The following FNTB variants were observed in gnomAD, a reference collection of about 807,000 sequenced individuals.
FNTB encodes the protein protein farnesyltransferase subunit beta.
FNTB carries 27 observed loss-of-function variants against 59.4 expected under a neutral mutation model. The observed-to-expected ratio is 0.45, with a 90% CI of 0.34 to 0.63. The LOEUF (loss-of-function observed/expected upper bound fraction) is 0.63, where lower values mean the gene tolerates loss of function less well. Ranked by LOEUF, FNTB falls within the 20% of genes least tolerant of loss-of-function variation. The pLI, the probability that FNTB is intolerant of heterozygous loss-of-function variation, is 0.02. For synonymous variants in FNTB, 230 were observed against 220.7 expected, an observed-to-expected ratio of 1.04 and a Z score of -0.37; for missense variants, 449 against 559.6, an observed-to-expected ratio of 0.80 and a Z score of 1.99.
At chr14:65,057,946 A>C (rs1472172702) in intron 11 of FNTB, among the ~76,000 whole-genome samples, 2 of 152,176 alleles carry the variant, frequency 1.3e-5, no homozygotes, top group Non-Finnish European at 2.9e-5. Context: ...GCAAGTCTGA[A>C]AACAGGTAGG....
intron 1 of FNTB, among the ~76,000 whole-genome samples, chr14:64,993,627 C>G (rs1350001774): frequency 6.6e-6 from 1 of 152,126 alleles, no homozygotes; most frequent in Admixed American, 6.5e-5. Context: ...TGACATGAAT[C>G]TTAGGCAGCA....
Position 65,047,612 on chromosome 14 carries a change from C to T in FNTB, c.955+3169C>T, listed in dbSNP as rs150137186. On this transcript the variant is annotated intron_variant, in intron 9 of 11. Coordinates refer to ENST00000246166, the MANE Select transcript of FNTB (RefSeq NM_002028.4). The surrounding 1 kb of genome is among the most constrained non-coding windows in gnomAD (Gnocchi z 5.2). ...TTTTGGAGGGCAGTTTGGAGACATC[C>T]ATTTAAATTATAAGGGCACTTACCC... 2.0e-5 allele frequency among the ~76,000 whole-genome samples: 3 copies of T among 152,212 alleles called. No homozygotes were observed. In the East Asian group the frequency reaches 5.8e-4, roughly 29 times the overall value.
At chr14:65,020,434 C>T (rs905610434) in intron 4 of FNTB, among the ~76,000 whole-genome samples, 3 of 151,954 alleles carry the variant, frequency 2.0e-5, no homozygotes, top group African/African-American at 4.8e-5. Flanking sequence ...CTTCAGCTTG[C>T]CTCTTTTTTT....
In FNTB at chr14:65,061,440, A is replaced by T. The variant is rs2062863848; in HGVS notation, c.*128A>T. Reference sequence around the variant, plus strand: ...TCAGTGGAGCTGTGGTTCTCTTGGTACTTTCTTGTCAAACAAAACCAATGG... The same window carrying T: ...TCAGTGGAGCTGTGGTTCTCTTGGTTCTTTCTTGTCAAACAAAACCAATGG... On this transcript the variant is annotated 3_prime_UTR_variant, in exon 12 of 12. Transcript: ENST00000246166. The T allele has an allele frequency of 7.1e-7, 1 of 1,417,424 alleles. No homozygotes were observed. Among genetic ancestry groups the T allele is most frequent in the African/African-American group, 1.4e-5 (1 of 69,584 alleles). The allele number at this position is 1,417,424 out of a possible 1,614,324, so 87.8% of individuals were successfully genotyped here.
At position 64,989,225 on chromosome 14, in the gene FNTB, G is replaced by A. The variant is rs1594977898; in HGVS notation, c.144+2128G>A. Among the ~76,000 whole-genome samples, 5 of 146,776 alleles carry A rather than the reference G, an allele frequency of 3.4e-5. No individual in the cohort carries two copies. In the Admixed American group the frequency reaches 3.4e-4, roughly 10 times the overall value. On this transcript the variant is annotated intron_variant, in intron 1 of 11. Transcript: ENST00000246166. ...GGAGTTCGAGGCGGGAAGATCACCTGAGCCCAAGAGACCAACTTGGGCAAC... is the reference window on the plus strand; with the variant it reads ...GGAGTTCGAGGCGGGAAGATCACCTAAGCCCAAGAGACCAACTTGGGCAAC...
intron 11 of FNTB, among the ~76,000 whole-genome samples, chr14:65,056,976 C>T (rs933710163): frequency 2.0e-5 from 3 of 152,216 alleles, no homozygotes; most frequent in African/African-American, 7.2e-5. Flanking sequence ...CCCATGCAAA[C>T]AGAGGAGAGC....
At chr14:65,053,635 C>CAAAAAAAAAAAAACA (rs1189039450) in intron 10 of FNTB, among the ~76,000 whole-genome samples, 1 of 146,974 alleles carries the variant, frequency 6.8e-6, no homozygotes, top group Non-Finnish European at 1.5e-5. Flanking sequence ...TTAAAAAAAA[C>CAAAAAAAAAAAAACA]AAAAAAAAAC....
At chr14:65,005,452 T>C (rs1178437519) in intron 2 of FNTB, among the ~76,000 whole-genome samples, 3 of 65,002 alleles carry the variant, frequency 4.6e-5, no homozygotes, top group African/African-American at 1.8e-4. Context: ...TCCTTTCTTT[T>C]CTTTCTTTCT....
intron 2 of FNTB, among the ~76,000 whole-genome samples, chr14:65,004,905 C>T (rs1307158145): frequency 6.6e-6 from 1 of 152,184 alleles, no homozygotes; most frequent in Non-Finnish European, 1.5e-5. Flanking sequence ...TCAGGTGATC[C>T]ACCCGCCTCA....
Position 65,054,756 on chromosome 14 carries a change from T to C in FNTB, c.1182+67T>C, listed in dbSNP as rs995536341. 58 of 1,495,978 alleles carry C rather than the reference T, an allele frequency of 3.9e-5. 1 individual carries two copies. Among genetic ancestry groups the C allele is most frequent in the Non-Finnish European group, 5.2e-5 (57 of 1,098,294 alleles). 92.7% of individuals were successfully genotyped at this position (1,495,978 alleles called of 1,614,324 possible). On this transcript the variant is annotated intron_variant, in intron 11 of 11. Transcript: ENST00000246166. The surrounding 1 kb of genome is among the most constrained non-coding windows in gnomAD (Gnocchi z 4.4). ...CCTCGCGGACAGAAGGCTTTCCAAG[T>C]AAGCAGAACTGGCTCTGCATTTCCT...
chr14:65,015,202 A>G (rs2061747354), intron 3 of FNTB, among the ~76,000 whole-genome samples: 1 of 150,736 alleles, frequency 6.6e-6, no homozygotes, highest in Non-Finnish European at 1.5e-5. Context: ...TCCCGGGTTC[A>G]AGTGATTCTC....
chr14:64,987,105 G>T lies in FNTB; in HGVS notation c.144+8G>T, dbSNP rs1184663507. On this transcript the variant is annotated splice_region_variant and intron_variant, in intron 1 of 11. Coordinates refer to ENST00000246166, the MANE Select transcript of FNTB (RefSeq NM_002028.4). ...GTCACGTCCATAGAACAGGTGAGGT[G>T]GCAGGACTGGGCGAGGCGCCCGCGC... 1.2e-6 allele frequency: 2 copies of T among 1,614,086 alleles called. No homozygotes were observed. The highest frequency in any genetic ancestry group is 1.7e-6 in the Non-Finnish European group (2 of 1,180,026).
chr14:65,044,403 G>A lies in FNTB; in HGVS notation c.915G>A (p.Ala305=), dbSNP rs138494513. 1,176 of 1,612,936 alleles carry A rather than the reference G, an allele frequency of 7.3e-4. 10 individuals carry two copies. The highest frequency in any genetic ancestry group is 9.0e-4 in the Admixed American group (54 of 59,776). Residue 305 remains alanine, a synonymous_variant, in exon 9 of 12, where the codon GCG becomes GCA. Transcript: ENST00000246166. This position sits in a 1 kb window ranked among gnomAD's most constrained non-coding sequence, Gnocchi z 5.5. ...LVDGCYSFWQ[A]GLLPLLHRAL... ...ATGGCTGCTACTCCTTCTGGCAGGCGGGGCTCCTGCCCCTGCTCCACCGCG... is the reference window on the plus strand; with the variant it reads ...ATGGCTGCTACTCCTTCTGGCAGGCAGGGCTCCTGCCCCTGCTCCACCGCG...
intron 4 of FNTB, chr14:65,022,115 C>T (rs1403037892): frequency 6.6e-5 from 30 of 454,960 alleles, no homozygotes; most frequent in Non-Finnish European, 1.1e-4. Flanking sequence ...TCATATTCTA[C>T]CTAGGGAAGG....
At chr14:65,059,525 C>A (rs1020090878) in intron 11 of FNTB, among the ~76,000 whole-genome samples, 1 of 152,048 alleles carries the variant, frequency 6.6e-6, no homozygotes, top group African/African-American at 2.4e-5. Context: ...TCAATTTTGG[C>A]AGTTTTCCTG....
In FNTB at chr14:65,061,371, A is replaced by G; in HGVS notation, c.*59A>G. 1 of 1,607,222 alleles carries G rather than the reference A, an allele frequency of 6.2e-7. No homozygotes were observed. The highest frequency in any genetic ancestry group is 8.5e-7 in the Non-Finnish European group (1 of 1,177,696). On this transcript the variant is annotated 3_prime_UTR_variant, in exon 12 of 12. Transcript: ENST00000246166. ...ATCTCCCCAGTCAGACAAGGTTTAT[A>G]CGTTTCAATACATACTGCATTCTGT...
At chr14:65,056,085 CTATAAGCAATATATAGTTTTT>C (rs1221180206) in intron 11 of FNTB, among the ~76,000 whole-genome samples, 1 of 152,116 alleles carries the variant, frequency 6.6e-6, no homozygotes, top group East Asian at 1.9e-4. Flanking sequence ...ACATATGTAT[CTATAAGCAATATATAGTTTTT>C]TATAAGCAAT....
Position 65,044,554 on chromosome 14 carries a change from C to G in FNTB, c.955+111C>G, listed in dbSNP as rs1183507158. 2 of 1,474,738 alleles carry G rather than the reference C, an allele frequency of 1.4e-6. No homozygotes were observed. Among genetic ancestry groups the G allele is most frequent in the African/African-American group, 2.9e-5 (2 of 69,966 alleles). The allele number at this position is 1,474,738 out of a possible 1,614,324, so 91.4% of individuals were successfully genotyped here. ...GGGGTTGAAATGAGCTCTGTCTATC[C>G]TGGATTTTGAGTGCCCAGTGTGGAA... On this transcript the variant is annotated intron_variant, in intron 9 of 11. Coordinates refer to ENST00000246166, the MANE Select transcript of FNTB (RefSeq NM_002028.4). This position sits in a 1 kb window ranked among gnomAD's most constrained non-coding sequence, Gnocchi z 5.5.
chr14:65,055,409 T>C (rs1266020557), intron 11 of FNTB, among the ~76,000 whole-genome samples: 1 of 152,194 alleles, frequency 6.6e-6, no homozygotes, highest in Non-Finnish European at 1.5e-5. Flanking sequence ...TAAGCCCTAC[T>C]TCCACCAGTG....
Sources: allele counts gnomAD v4.1 joint callset (sites outside exome capture counted in the v4.1 genomes callset), GRCh38; gene constraint gnomAD v4.1.1; non-coding constraint Gnocchi (gnomAD v3.1); transcripts MANE v1.5; gene names NCBI Gene and HGNC (gene_info 2026-07-23, HGNC 2026-07-21).